LRRC4B: variants seen among roughly 807,000 people sequenced by gnomAD.
The protein encoded by LRRC4B is leucine-rich repeat-containing protein 4B.
Under a neutral mutation model 7.3 loss-of-function variants are expected in LRRC4B, and 1 was observed. That is an observed-to-expected ratio of 0.14 (90% CI 0.05 to 0.65). The LOEUF (loss-of-function observed/expected upper bound fraction) is 0.65. Among genes scored for constraint, LRRC4B ranks in the 30% least tolerant of loss-of-function variants. LRRC4B has a pLI of 0.84. For missense variants in LRRC4B, 730 were observed against 1,041.6 expected (o/e 0.70, Z 4.12); for synonymous variants, 500 against 499.2 (o/e 1.00, Z -0.02).
chr19:50,520,239 AAAAAAAAAGAAGAAAAG>A (rs1980511436), intron 2 of LRRC4B, among the ~76,000 whole-genome samples: 2 of 67,668 alleles, frequency 3.0e-5, no homozygotes, highest in African/African-American at 6.5e-5. Flanking sequence ...AAAAAAAAAA[AAAAAAAAAGAAGAAAAG>A]AAAAGAAAAA....
intron 2 of LRRC4B, among the ~76,000 whole-genome samples, chr19:50,535,169 G>GTTTA (rs952710863): frequency 5.3e-5 from 8 of 151,464 alleles, no homozygotes; most frequent in East Asian, 1.9e-4. Context: ...CGCCCGGCCT[G>GTTTA]TTTATTTATT....
At chr19:50,562,689 C>G (rs1982507003) in intron 1 of LRRC4B, among the ~76,000 whole-genome samples, 2 of 151,888 alleles carry the variant, frequency 1.3e-5, no homozygotes, top group South Asian at 2.1e-4. Context: ...GCTGCTGCCC[C>G]CTCCTGCCCT....
chr19:50,567,114 G>A (rs1982653885), intron 1 of LRRC4B, among the ~76,000 whole-genome samples: 1 of 150,778 alleles, frequency 6.6e-6, no homozygotes, highest in South Asian at 2.1e-4. Flanking sequence ...GGAAGCCTGG[G>A]GAGGAGGCAG....
In LRRC4B at chr19:50,518,621, G is replaced by T. The variant is rs370317480; in HGVS notation, c.1092C>A (p.Pro364=). Residue 364 remains proline, a synonymous_variant, in exon 3 of 3, where the codon CCC becomes CCA. Transcript: ENST00000652263. ...LDQSHFTCYA[P]VIVEPPTDLN... The stretch of plus-strand genomic sequence containing the variant: ...GGTCCGTGGGCGGCTCCACGATGAC[G>T]GGCGCATAGCAGGTGAAATGCGACT... 2.7e-5 allele frequency: 44 copies of T among 1,604,536 alleles called. No homozygotes were observed. The South Asian group carries it at 4.8e-4, about 17-fold the overall frequency.
intron 1 of LRRC4B, chr19:50,557,705 G>A (rs911296935): frequency 1.3e-5 from 2 of 152,224 alleles, no homozygotes; most frequent in Admixed American, 1.3e-4. Flanking sequence ...GCTGGGTGGG[G>A]GGTGGTGGGG....
intron 2 of LRRC4B, among the ~76,000 whole-genome samples, chr19:50,524,211 A>C (rs57224168): frequency 0.037 from 5,599 of 152,250 alleles, 333 homozygotes; most frequent in African/African-American, 0.13. Flanking sequence ...GGTGCTGTCC[A>C]ATAGAAATAG....
In LRRC4B at chr19:50,518,186, C is replaced by A. The variant is rs368964372; in HGVS notation, c.1527G>T (p.Thr509=). Residue 509 remains threonine, a synonymous_variant, in exon 3 of 3, where the codon ACG becomes ACT. Transcript: ENST00000652263. ...TCGTGGGCCCTGGCGGTTCCTTCTC[C>A]GTCCCCCGCGGCTGCAGGGCCTCCT... ...PGEEALQPRG[T]EKEPPGPTTD... The A allele has an allele frequency of 5.6e-6, 9 of 1,607,786 alleles. No homozygotes were observed. The highest frequency in any genetic ancestry group is 7.6e-6 in the Non-Finnish European group (9 of 1,178,688).
At chr19:50,536,974 T>G (rs1454319714) in intron 2 of LRRC4B, among the ~76,000 whole-genome samples, 2 of 151,488 alleles carry the variant, frequency 1.3e-5, no homozygotes, top group African/African-American at 4.9e-5. Context: ...TCCAGCTGGG[T>G]GTGGTGGCAG....
intron 1 of LRRC4B, among the ~76,000 whole-genome samples, chr19:50,560,921 C>T (rs1982440723): frequency 6.6e-6 from 1 of 152,060 alleles, no homozygotes; most frequent in Non-Finnish European, 1.5e-5. Context: ...AAACCCCCGT[C>T]TCTACTAAAA....
At chr19:50,565,899 C>T (rs962731270) in intron 1 of LRRC4B, among the ~76,000 whole-genome samples, 1 of 152,068 alleles carries the variant, frequency 6.6e-6, no homozygotes, top group African/African-American at 2.4e-5. Context: ...GCCCTAATTG[C>T]CTGTATGTGT....
At chr19:50,547,378 G>C (rs1167886425) in intron 2 of LRRC4B, among the ~76,000 whole-genome samples, 2 of 152,028 alleles carry the variant, frequency 1.3e-5, no homozygotes, top group Non-Finnish European at 2.9e-5. Context: ...GGTCAGATGG[G>C]AGCAGCCAAG....
At chr19:50,527,354 T>C (rs909393941) in intron 2 of LRRC4B, among the ~76,000 whole-genome samples, 1 of 146,114 alleles carries the variant, frequency 6.8e-6, no homozygotes, top group African/African-American at 2.7e-5. Context: ...TTTTCTTTTT[T>C]TTTTTTTTTT....
intron 2 of LRRC4B, among the ~76,000 whole-genome samples, chr19:50,531,828 A>G (rs1981071230): frequency 1.3e-5 from 2 of 152,200 alleles, no homozygotes; most frequent in Non-Finnish European, 2.9e-5. Flanking sequence ...ATGCTTGGAC[A>G]AGACAGTGAG....
At position 50,555,981 on chromosome 19, in the gene LRRC4B, G is replaced by A. The variant is rs540416846; in HGVS notation, c.-35-7108C>T. The A allele has an allele frequency of 2.0e-5, 3 of 152,404 alleles. No homozygotes were observed. The East Asian group carries it at 5.8e-4, about 29-fold the overall frequency. 9.4% of individuals were successfully genotyped at this position (152,404 alleles called of 1,614,324 possible). On this transcript the variant is annotated intron_variant, in intron 1 of 2. Transcript: ENST00000652263. The surrounding 1 kb of genome is among the most constrained non-coding windows in gnomAD (Gnocchi z 5.2). ...TCTGTCCCTGGAAGCCGGTCCTATG[G>A]GAGAGACCCGGGTTCTGGGGGAGGG...
intron 2 of LRRC4B, among the ~76,000 whole-genome samples, chr19:50,530,405 C>T (rs997475099): frequency 1.3e-5 from 2 of 152,238 alleles, no homozygotes; most frequent in African/African-American, 2.4e-5. Context: ...TGGACCCTCT[C>T]GCCGGGCACT....
intron 1 of LRRC4B, among the ~76,000 whole-genome samples, chr19:50,567,234 C>T (rs1370968364): frequency 6.6e-6 from 1 of 151,362 alleles, no homozygotes; most frequent in Non-Finnish European, 1.5e-5. Flanking sequence ...ATAGAAGGCC[C>T]CAAAGCCTAG....
At chr19:50,535,908 A>G (rs974655732) in intron 2 of LRRC4B, among the ~76,000 whole-genome samples, 3 of 152,206 alleles carry the variant, frequency 2.0e-5, no homozygotes, top group African/African-American at 7.2e-5. Context: ...ACCTGGGTGT[A>G]AACAACAAGG....
At chr19:50,522,624 G>A (rs897303151) in intron 2 of LRRC4B, among the ~76,000 whole-genome samples, 4 of 151,626 alleles carry the variant, frequency 2.6e-5, no homozygotes, top group African/African-American at 4.8e-5. Context: ...TTACAGGCAC[G>A]CATCAACACG....
chr19:50,560,859 C>T (rs534580989), intron 1 of LRRC4B, among the ~76,000 whole-genome samples: 3 of 152,260 alleles, frequency 2.0e-5, no homozygotes, highest in South Asian at 4.1e-4. Flanking sequence ...GAGGCCGAGA[C>T]GGGCGGATCG....
Sources: gnomAD v4.1 joint callset for allele counts (sites outside exome capture counted in the v4.1 genomes callset) on GRCh38, gnomAD v4.1.1 for gene constraint, Gnocchi (gnomAD v3.1) non-coding constraint, MANE v1.5 for transcripts, NCBI Gene and HGNC (gene_info 2026-07-23, HGNC 2026-07-21) for gene names.